SNAP23: variants seen among roughly 807,000 people sequenced by gnomAD.
The protein encoded by SNAP23 is synaptosome associated protein 23.
SNAP23 carries 11 observed loss-of-function variants against 29.0 expected under a neutral mutation model. The ratio of observed to expected loss-of-function variants is 0.38; its 90% confidence interval spans 0.24 to 0.63. The LOEUF (loss-of-function observed/expected upper bound fraction) is 0.63. Among genes scored for constraint, SNAP23 ranks in the 20% least tolerant of loss-of-function variants. The probability of loss-of-function intolerance (pLI) is 0.58; values close to 1 mark genes in which losing one functional copy is unlikely to be tolerated. For missense variants in SNAP23, 220 were observed against 253.9 expected, an observed-to-expected ratio of 0.87 and a Z score of 0.91; for synonymous variants, 60 against 82.9, an observed-to-expected ratio of 0.72 and a Z score of 1.50.
intron 5 of SNAP23, 102 bp downstream of exon 5, chr15:42,515,456 C>G: frequency 1.5e-6 from 1 of 676,334 alleles, no homozygotes; most frequent in Non-Finnish European, 2.5e-6. Context: ...ATGAGGAACT[C>G]TATTAGATAA....
At chr15:42,529,529 AAT>A in intron 6 of SNAP23, 144 bp from the exon 7 acceptor site, 4 of 743,296 alleles carry the variant, frequency 5.4e-6, no homozygotes, top group Non-Finnish European at 8.6e-6. Context: ...TTTATTATAG[AAT>A]GTTTCCCAGG....
rs1404316494 is a variant in SNAP23 at position 42,499,336 on chromosome 15, TGTTGGGATTACAGGC to T, written c.-15+3626_-15+3640del. The stretch of plus-strand genomic sequence containing the variant: ...ATCCGCTCGCCTCAGCCTCCCAAAG[TGTTGGGATTACAGGC>T]GTGAGCCACCGCGCCCGGTCTAAGG... On this transcript the variant is annotated intron_variant, in intron 1 of 7. Coordinates refer to ENST00000249647, the MANE Select transcript of SNAP23 (RefSeq NM_003825.4). Among the ~76,000 whole-genome samples, 5 of 152,262 alleles carry T rather than the reference TGTTGGGATTACAGGC, an allele frequency of 3.3e-5. No individual in the cohort carries two copies. The East Asian group carries it at 5.8e-4, about 18-fold the overall frequency.
At chr15:42,526,704 A>G (rs554654118) in intron 5 of SNAP23, among the ~76,000 whole-genome samples, 8 of 152,262 alleles carry the variant, frequency 5.3e-5, no homozygotes, top group Non-Finnish European at 1.0e-4. Context: ...TAGAAAAGTG[A>G]AAACTAAAAT....
chr15:42,499,073 T>A (rs912860107), intron 1 of SNAP23, among the ~76,000 whole-genome samples: 9 of 136,094 alleles, frequency 6.6e-5, no homozygotes, highest in Non-Finnish European at 1.1e-4. Context: ...AGGTCACATC[T>A]TTTTTTTTTT....
chr15:42,519,570 A>G (rs1343487931), intron 5 of SNAP23, among the ~76,000 whole-genome samples: 21 of 151,394 alleles, frequency 1.4e-4, no homozygotes, highest in African/African-American at 4.9e-4. Context: ...GGGTTTTGCC[A>G]TGTTGGCCAG....
At chr15:42,512,894 C>G in intron 2 of SNAP23, 61 bp from the exon 3 acceptor site, 1 of 1,301,598 alleles carries the variant, frequency 7.7e-7, no homozygotes, top group South Asian at 1.2e-5. Flanking sequence ...TGAATTTGGC[C>G]TGTGATCAGA....
chr15:42,491,964 G>GC (rs1315739753), upstream of SNAP23, among the ~76,000 whole-genome samples: 26 of 151,796 alleles, frequency 1.7e-4, no homozygotes, highest in Admixed American at 6.6e-4. Flanking sequence ...AGGCTGTAGT[G>GC]CAGAACCGCT....
At chr15:42,497,940 G>C (rs1395016543) in intron 1 of SNAP23, among the ~76,000 whole-genome samples, 1 of 152,222 alleles carries the variant, frequency 6.6e-6, no homozygotes, top group Non-Finnish European at 1.5e-5. Flanking sequence ...CAGTGGGACA[G>C]CCATTACGTC....
intron 5 of SNAP23, among the ~76,000 whole-genome samples, chr15:42,520,208 G>A (rs552023060): frequency 4.7e-4 from 71 of 150,550 alleles, no homozygotes; most frequent in Admixed American, 2.6e-3. Flanking sequence ...GCACCACCAC[G>A]CCTGGCTAAT....
chr15:42,498,570 TG>T (rs2057242963), intron 1 of SNAP23, among the ~76,000 whole-genome samples: 1 of 152,200 alleles, frequency 6.6e-6, no homozygotes, highest in Non-Finnish European at 1.5e-5. Context: ...GGTCTTGTGA[TG>T]GGAGGGGCTG....
At chr15:42,509,659 C>T (rs1196227667) in intron 1 of SNAP23, among the ~76,000 whole-genome samples, 2 of 152,048 alleles carry the variant, frequency 1.3e-5, no homozygotes, top group Admixed American at 1.3e-4. Flanking sequence ...AAGCTGGCCT[C>T]GATCTCCTAA....
At chr15:42,492,577 C>A (rs56190239), upstream of SNAP23, among the ~76,000 whole-genome samples, 132 of 145,068 alleles carry the variant, frequency 9.1e-4, 1 homozygote, top group African/African-American at 3.3e-3. Flanking sequence ...ACTCGGAAGG[C>A]TGAGGAAGGA....
At chr15:42,513,051 A>G in intron 3 of SNAP23, 55 bp downstream of exon 3, 1 of 1,240,394 alleles carries the variant, frequency 8.1e-7, no homozygotes, top group Non-Finnish European at 1.2e-6. Context: ...AGCGATCCTA[A>G]TACTTCTGGC....
upstream of SNAP23, among the ~76,000 whole-genome samples, chr15:42,493,261 C>T (rs1164934415): frequency 6.6e-6 from 1 of 151,988 alleles, no homozygotes; most frequent in Non-Finnish European, 1.5e-5. Context: ...AGGATTTGAG[C>T]TGCAAAGGTA....
At chr15:42,508,375 G>A (rs2057331661) in intron 1 of SNAP23, among the ~76,000 whole-genome samples, 1 of 152,068 alleles carries the variant, frequency 6.6e-6, no homozygotes, top group Non-Finnish European at 1.5e-5. Context: ...AGGGCCAATT[G>A]GTATCCACAG....
At chr15:42,527,418 C>T (rs1049045356) in intron 5 of SNAP23, among the ~76,000 whole-genome samples, 1 of 152,062 alleles carries the variant, frequency 6.6e-6, no homozygotes, top group Non-Finnish European at 1.5e-5. Flanking sequence ...TTAGGTCTCA[C>T]TCTGTCACCC....
intron 1 of SNAP23, among the ~76,000 whole-genome samples, chr15:42,501,197 C>T (rs1412179927): frequency 6.6e-6 from 1 of 152,164 alleles, no homozygotes; most frequent in African/African-American, 2.4e-5. Flanking sequence ...GTATACAAAG[C>T]TCTTCACAAT....
chr15:42,506,293 G>A (rs1474928698), intron 1 of SNAP23, among the ~76,000 whole-genome samples: 1 of 152,106 alleles, frequency 6.6e-6, no homozygotes, highest in African/African-American at 2.4e-5. Context: ...AGGCTGGAGT[G>A]TAGTGGGGAT....
chr15:42,505,687 C>T (rs111594471), intron 1 of SNAP23: 7,172 of 151,412 alleles, frequency 0.047, 563 homozygotes, highest in African/African-American at 0.16. Context: ...TCCTGAGTAG[C>T]TGGGATTATA....
Sources: gnomAD v4.1 joint callset for allele counts (sites outside exome capture counted in the v4.1 genomes callset) on GRCh38, gnomAD v4.1.1 for gene constraint, MANE v1.5 for transcripts, NCBI Gene and HGNC (gene_info 2026-07-23, HGNC 2026-07-21) for gene names.